The following FRMD4A variants were observed in gnomAD, a reference collection of about 807,000 sequenced individuals.
FRMD4A encodes the protein FERM domain containing 4A.
In FRMD4A, 29 loss-of-function variants were observed where a neutral mutation model predicts 129.1. That is an observed-to-expected ratio of 0.22 (90% confidence interval 0.17 to 0.31). FRMD4A has a LOEUF of 0.31. Ranked by LOEUF, FRMD4A falls within the 10% of genes least tolerant of loss-of-function variation. The probability of loss-of-function intolerance (pLI) is 1.00; values close to 1 mark genes in which losing one functional copy is unlikely to be tolerated. For missense variants in FRMD4A, 1,272 were observed against 1,375.8 expected (o/e 0.92, Z 1.19); for synonymous variants, 634 against 571.6 (o/e 1.11, Z -1.56).
At chr10:14,291,479 T>C (rs1167915477) in intron 2 of FRMD4A, among the ~76,000 whole-genome samples, 2 of 152,184 alleles carry the variant, frequency 1.3e-5, no homozygotes, top group Non-Finnish European at 1.5e-5. Context: ...CTTGGTTTGA[T>C]GCCAAGAATG....
At chr10:13,809,832 T>A (rs2093416582) in intron 4 of FRMD4A, among the ~76,000 whole-genome samples, 3 of 152,230 alleles carry the variant, frequency 2.0e-5, no homozygotes, top group African/African-American at 4.8e-5. Context: ...TGTCTCAATT[T>A]GGATAATAAG....
intron 2 of FRMD4A, among the ~76,000 whole-genome samples, chr10:14,031,735 C>G (rs527626076): frequency 6.6e-6 from 1 of 152,062 alleles, no homozygotes; most frequent in East Asian, 1.9e-4. Context: ...CGACTACTAC[C>G]ATTGCATGTT....
chr10:13,897,096 A>T lies in FRMD4A; in HGVS notation c.46-38184T>A, dbSNP rs1426893902. Among the ~76,000 whole-genome samples the T allele has an allele frequency of 2.6e-5, 4 of 152,220 alleles. No individual in the cohort carries two copies. In the East Asian group the frequency reaches 7.7e-4, roughly 29 times the overall value. ...AGGCGTAAGTGGCTATGAATCAAAG[A>T]ATATTTTGCAAAGTGCTGCTTCGCT... is the stretch of plus-strand genomic sequence containing the variant. On this transcript the variant is annotated intron_variant, in intron 2 of 24. Coordinates refer to ENST00000357447, the MANE Select transcript of FRMD4A (RefSeq NM_018027.5).
chr10:13,944,755 G>C (rs547343613), intron 2 of FRMD4A, among the ~76,000 whole-genome samples: 14 of 152,182 alleles, frequency 9.2e-5, no homozygotes, highest in South Asian at 2.1e-4. Context: ...CATTCTGAAA[G>C]TTCCTTCCGT....
intron 2 of FRMD4A, among the ~76,000 whole-genome samples, chr10:14,271,836 G>A (rs2132047546): frequency 6.6e-6 from 1 of 152,286 alleles, no homozygotes; most frequent in African/African-American, 2.4e-5. Flanking sequence ...GCACTTAGCT[G>A]GAGTGAAATA....
intron 3 of FRMD4A, among the ~76,000 whole-genome samples, chr10:13,812,705 C>T (rs1200501072): frequency 6.6e-6 from 1 of 152,208 alleles, no homozygotes; most frequent in Non-Finnish European, 1.5e-5. Context: ...AGATGACCAT[C>T]AATTCACTGA....
At chr10:14,182,116 C>T (rs1218090424) in intron 2 of FRMD4A, among the ~76,000 whole-genome samples, 1 of 152,216 alleles carries the variant, frequency 6.6e-6, no homozygotes, top group African/African-American at 2.4e-5. Flanking sequence ...AACACTACTA[C>T]CAAACTGCCG....
At chr10:14,184,297 A>ATTTTTTTTTTTTTTTTT (rs1842006727) in intron 2 of FRMD4A, among the ~76,000 whole-genome samples, 1 of 86,110 alleles carries the variant, frequency 1.2e-5, no homozygotes. Context: ...ACAACCGGTT[A>ATTTTTTTTTTTTTTTTT]ATTTTTTTTT....
chr10:13,908,413 T>A (rs1004814795), intron 2 of FRMD4A, among the ~76,000 whole-genome samples: 2 of 152,214 alleles, frequency 1.3e-5, no homozygotes, highest in Non-Finnish European at 2.9e-5. Context: ...GCATAAGCAG[T>A]ATACACTGTT....
chr10:14,080,245 T>G (rs1010644251), intron 2 of FRMD4A, among the ~76,000 whole-genome samples: 1 of 151,440 alleles, frequency 6.6e-6, no homozygotes, highest in African/African-American at 2.4e-5. Flanking sequence ...GCAGCTGGAG[T>G]GTCTCTGGAG....
intron 15 of FRMD4A, among the ~76,000 whole-genome samples, chr10:13,690,361 C>T (rs1045075152): frequency 6.6e-6 from 1 of 152,334 alleles, no homozygotes; most frequent in African/African-American, 2.4e-5. Context: ...GCTTTCATCA[C>T]GGGAAAGCTT....
intron 2 of FRMD4A, among the ~76,000 whole-genome samples, chr10:14,205,346 C>T (rs371788065): frequency 6.6e-6 from 1 of 152,076 alleles, no homozygotes; most frequent in Non-Finnish European, 1.5e-5. Context: ...AAAGTTCTCT[C>T]GGCCATGGGA....
chr10:13,648,563 A>T (rs1364225796), intron 24 of FRMD4A: 1 of 152,088 alleles, frequency 6.6e-6, no homozygotes, highest in Non-Finnish European at 1.5e-5. Context: ...CCCTGGTTCA[A>T]AGGTGGCCAC....
At chr10:14,170,071 A>C (rs1841395739) in intron 2 of FRMD4A, among the ~76,000 whole-genome samples, 2 of 152,182 alleles carry the variant, frequency 1.3e-5, no homozygotes, top group African/African-American at 4.8e-5. Context: ...GAATAATTCT[A>C]AGTGACTTTA....
At chr10:14,024,599 G>A (rs1052526976) in intron 2 of FRMD4A, among the ~76,000 whole-genome samples, 2 of 152,226 alleles carry the variant, frequency 1.3e-5, no homozygotes, top group African/African-American at 4.8e-5. Flanking sequence ...TGTGTAGCCA[G>A]AAACTGTACA....
At chr10:13,895,522 C>T (rs1353402460) in intron 2 of FRMD4A, among the ~76,000 whole-genome samples, 1 of 152,162 alleles carries the variant, frequency 6.6e-6, no homozygotes, top group East Asian at 1.9e-4. Flanking sequence ...CTTTACCCCT[C>T]CCAAAACCTT....
At chr10:14,169,051 G>C (rs1000651137) in intron 2 of FRMD4A, among the ~76,000 whole-genome samples, 1 of 152,196 alleles carries the variant, frequency 6.6e-6, no homozygotes, top group Non-Finnish European at 1.5e-5. Flanking sequence ...GTGGCTCTTT[G>C]TAAGAGAATC....
chr10:13,931,978 C>T (rs185930886), intron 2 of FRMD4A, among the ~76,000 whole-genome samples: 1 of 151,192 alleles, frequency 6.6e-6, no homozygotes, highest in Non-Finnish European at 1.5e-5. Flanking sequence ...AACCAACCAA[C>T]AAACCAACCA....
At chr10:13,866,401 GACT>G (rs1284973734) in intron 2 of FRMD4A, 1 of 271,510 alleles carries the variant, frequency 3.7e-6, no homozygotes, top group Admixed American at 6.5e-5. Flanking sequence ...CCAAGGCCAT[GACT>G]ACAACTTCCC....
Sources: gnomAD v4.1 joint callset for allele counts (sites outside exome capture counted in the v4.1 genomes callset) on GRCh38, gnomAD v4.1.1 for gene constraint, MANE v1.5 for transcripts, NCBI Gene and HGNC (gene_info 2026-07-23, HGNC 2026-07-21) for gene names.